The following ZNF30 variants were observed in gnomAD, a reference collection of about 807,000 sequenced individuals.
ZNF30 encodes the protein zinc finger protein 30, also known as zinc finger protein 30 (KOX 28).
A neutral mutation model predicts 13.2 loss-of-function variants in ZNF30; 15 were observed. The ratio of observed to expected loss-of-function variants is 1.13; its 90% CI spans 0.76 to 1.75. The LOEUF is 1.75. Among genes scored for constraint, ZNF30 ranks in the 40% most tolerant of loss-of-function variants. ZNF30 has a pLI of 0.00. For missense variants in ZNF30, 726 were observed against 757.0 expected, an observed-to-expected ratio of 0.96 and a Z score of 0.48; for synonymous variants, 223 against 256.6, an observed-to-expected ratio of 0.87 and a Z score of 1.25.
chr19:34,944,001 A>T lies in ZNF30; in HGVS notation c.1035A>T (p.Glu345Asp). Residue 345 changes from glutamate (E) to aspartate (D), a missense_variant, in exon 5 of 5, where the codon GAA becomes GAT. By Grantham distance (45) the Glu-to-Asp change is conservative (BLOSUM62 2). Transcript: ENST00000601142. ...TTCATACTGGTGAGAAACCTTTTGAATGTAAGGAATGTGGAAAGGCCTTTA... is the reference window on the plus strand; with the variant it reads ...TTCATACTGGTGAGAAACCTTTTGATTGTAAGGAATGTGGAAAGGCCTTTA... ...QSIHTGEKPF[E>D]CKECGKAFRL... 6.2e-7 allele frequency: 1 copy of T among 1,614,072 alleles called. No homozygotes were observed. The highest frequency in any genetic ancestry group is 1.1e-5 in the South Asian group (1 of 91,068).
chr19:34,935,729 G>C (rs1468596239), intron 4 of ZNF30, among the ~76,000 whole-genome samples: 3 of 68,926 alleles, frequency 4.4e-5, no homozygotes, highest in African/African-American at 6.7e-5. Flanking sequence ...TTTTTTTACA[G>C]TTTTGCTATC....
intron 4 of ZNF30, among the ~76,000 whole-genome samples, chr19:34,938,064 G>A (rs1205026329): frequency 1.3e-5 from 2 of 152,080 alleles, no homozygotes; most frequent in African/African-American, 4.8e-5. Context: ...CCAAAGTGCT[G>A]GGATTACAGG....
At chr19:34,930,474 A>G (rs1020033292) in intron 2 of ZNF30, among the ~76,000 whole-genome samples, 1 of 152,126 alleles carries the variant, frequency 6.6e-6, no homozygotes. Context: ...GAGTGATACT[A>G]AGGTCAATTT....
chr19:34,936,074 A>G (rs1402842182), intron 4 of ZNF30, among the ~76,000 whole-genome samples: 3 of 152,174 alleles, frequency 2.0e-5, no homozygotes, highest in South Asian at 2.1e-4. Flanking sequence ...TGATTCAATT[A>G]TCTCCCACCA....
intron 2 of ZNF30, 96 bp downstream of exon 2, chr19:34,930,052 C>T: frequency 8.1e-7 from 1 of 1,231,960 alleles, no homozygotes; most frequent in Non-Finnish European, 1.2e-6. Context: ...AATGTACCAT[C>T]TAATTGCCTA....
At chr19:34,933,811 A>C in intron 4 of ZNF30, 88 bp downstream of exon 4, 1 of 936,126 alleles carries the variant, frequency 1.1e-6, no homozygotes, top group South Asian at 1.5e-5. Context: ...CAATGTTTGG[A>C]GGTTTCCCTT....
At chr19:34,924,835 G>C (rs1041130647), upstream of ZNF30, among the ~76,000 whole-genome samples, 2 of 152,176 alleles carry the variant, frequency 1.3e-5, no homozygotes, top group Non-Finnish European at 2.9e-5. Context: ...CAAAGCGACT[G>C]GTCAACAAAC....
intron 1 of ZNF30, among the ~76,000 whole-genome samples, chr19:34,929,024 T>A (rs2012288810): frequency 6.6e-6 from 1 of 152,198 alleles, no homozygotes; most frequent in South Asian, 2.1e-4. Flanking sequence ...GGCTCACGCC[T>A]GTAATCCCAG....
chr19:34,938,048 G>A (rs574262874), intron 4 of ZNF30, among the ~76,000 whole-genome samples: 8 of 152,064 alleles, frequency 5.3e-5, no homozygotes, highest in East Asian at 1.9e-4. Context: ...CACCCACCTC[G>A]GCCTCCCAAA....
chr19:34,924,848 C>T (rs191622028), upstream of ZNF30, among the ~76,000 whole-genome samples: 119 of 152,258 alleles, frequency 7.8e-4, 1 homozygote, highest in Non-Finnish European at 8.7e-4. Flanking sequence ...CAACAAACAG[C>T]TGCTCTACCA....
intron 1 of ZNF30, among the ~76,000 whole-genome samples, chr19:34,929,619 A>G (rs1340718583): frequency 6.6e-6 from 1 of 152,172 alleles, no homozygotes; most frequent in African/African-American, 2.4e-5. Flanking sequence ...TGTGCAACCC[A>G]ATTTGAGACC....
chr19:34,924,194 C>G (rs575290444), upstream of ZNF30, among the ~76,000 whole-genome samples: 2 of 152,028 alleles, frequency 1.3e-5, no homozygotes, highest in African/African-American at 4.8e-5. Flanking sequence ...AGTAAGATTG[C>G]GATCCTTAGC....
At chr19:34,924,012 G>C (rs150123745), upstream of ZNF30, among the ~76,000 whole-genome samples, 8 of 152,270 alleles carry the variant, frequency 5.3e-5, no homozygotes, top group African/African-American at 1.9e-4. Flanking sequence ...AGGGATCAGG[G>C]ACTGTCATTT....
Position 34,943,246 on chromosome 19 carries a change from A to G in ZNF30, c.280A>G (p.Ile94Val), listed in dbSNP as rs762061358. 9 of 1,586,394 alleles carry G rather than the reference A, an allele frequency of 5.7e-6. No individual in the cohort carries two copies. The highest frequency in any genetic ancestry group is 2.4e-5 in the South Asian group (2 of 84,740). The stretch of plus-strand genomic sequence containing the variant: ...AGATTTGCAGTTGGAAGATGATACA[A>G]TCGGCTGTAAAGAAATGCCCACCTC... ...CTDLQLEDDT[I>V]GCKEMPTSEN... The change falls in exon 5 of 5, where the codon ATC becomes GTC. Residue 94 changes from isoleucine to valine, a missense_variant. By Grantham distance (29) the Ile-to-Val change is conservative (BLOSUM62 3). Transcript: ENST00000601142.
chr19:34,927,762 T>C (rs1298057285), intron 1 of ZNF30, among the ~76,000 whole-genome samples: 1 of 152,250 alleles, frequency 6.6e-6, no homozygotes, highest in Non-Finnish European at 1.5e-5. Flanking sequence ...GCTCTCTCTC[T>C]CTAGCTGCTA....
chr19:34,933,792 G>T, intron 4 of ZNF30, 69 bp downstream of exon 4: 2 of 1,062,582 alleles, frequency 1.9e-6, no homozygotes, highest in Non-Finnish European at 2.8e-6. Flanking sequence ...GGGAGGAAGT[G>T]CATCTCTGCA....
chr19:34,945,040 A>G lies in ZNF30; in HGVS notation c.*202A>G, dbSNP rs550848960. On this transcript the variant is annotated 3_prime_UTR_variant, in exon 5 of 5. Coordinates refer to ENST00000601142, the MANE Select transcript of ZNF30 (RefSeq NM_194325.3). ...GTAATACCAATATTTATACTGGTGG[A>G]CCATTCAGAAAAAGTGGGAAACGTT... is the stretch of plus-strand genomic sequence containing the variant. The G allele has an allele frequency of 5.7e-4, 299 of 525,960 alleles. No homozygotes were observed. The highest frequency in any genetic ancestry group is 5.4e-3 in the African/African-American group (286 of 52,882). The allele number at this position is 525,960 out of a possible 1,614,324, so 32.6% of individuals were successfully genotyped here.
Position 34,926,969 on chromosome 19 carries a change from G to C in ZNF30, c.-312G>C. The C allele has an allele frequency of 2.5e-6, 1 of 398,594 alleles. No homozygotes were observed. The allele number at this position is 398,594 out of a possible 1,614,324, so 24.7% of individuals were successfully genotyped here. A position where few individuals can be genotyped will look rare whatever the true frequency, so the allele number is the denominator to read the frequency against. On this transcript the variant is annotated 5_prime_UTR_variant, in exon 1 of 5. Transcript: ENST00000601142. ...AGGACTGCATTTCCCAGAGGCTGCA[G>C]CTATCCGGCCAATGTAGCCTGAAAC...
Position 34,944,590 on chromosome 19 carries a change from T to A in ZNF30, c.1624T>A (p.Cys542Ser), listed in dbSNP as rs995984528. The A allele has an allele frequency of 6.2e-7, 1 of 1,614,168 alleles. No homozygotes were observed. Among genetic ancestry groups the A allele is most frequent in the South Asian group, 1.1e-5 (1 of 91,082 alleles). ...TCATACTGGGGAGAAACCCTATGAA[T>A]GTAACAAATGTGGGAAAGCCTTTAC... ...RIHTGEKPYE[C>S]NKCGKAFTVY... The change falls in exon 5 of 5, where the codon TGT becomes AGT. Residue 542 changes from cysteine (C) to serine (S), a missense_variant. Transcript: ENST00000601142.
Sources: allele counts gnomAD v4.1 joint callset (sites outside exome capture counted in the v4.1 genomes callset), GRCh38; gene constraint gnomAD v4.1.1; transcripts MANE v1.5; gene names NCBI Gene and HGNC (gene_info 2026-07-23, HGNC 2026-07-21).